PLEKHA5: variants seen among roughly 807,000 people sequenced by gnomAD.
The protein encoded by PLEKHA5 is pleckstrin homology domain-containing family A member 5.
Under a neutral mutation model 181.9 loss-of-function variants are expected in PLEKHA5, and 55 were observed. The observed-to-expected ratio is 0.30, with a 90% CI of 0.24 to 0.38. The LOEUF is 0.38. Ranked by LOEUF, PLEKHA5 falls within the 10% of genes least tolerant of loss-of-function variation. PLEKHA5 has a pLI of 1.00. For missense variants in PLEKHA5, 1,432 were observed against 1,549.5 expected (o/e 0.92, Z 1.27); for synonymous variants, 535 against 529.4 (o/e 1.01, Z -0.15).
intron 15 of PLEKHA5, among the ~76,000 whole-genome samples, chr12:19,296,528 CAG>C (rs2079848726): frequency 6.8e-6 from 1 of 146,520 alleles, no homozygotes; most frequent in South Asian, 2.2e-4. Flanking sequence ...GCCTGGGTAA[CAG>C]AGCAAGACTC....
chr12:19,271,177 A>G (rs928513112), intron 10 of PLEKHA5, among the ~76,000 whole-genome samples: 11 of 152,340 alleles, frequency 7.2e-5, no homozygotes, highest in African/African-American at 2.4e-4. Flanking sequence ...GGTGGTTAGC[A>G]CTGATAACGA....
chr12:19,340,944 A>AT (rs2093865645), intron 21 of PLEKHA5, among the ~76,000 whole-genome samples: 1 of 44,714 alleles, frequency 2.2e-5, no homozygotes, highest in African/African-American at 5.4e-5. Flanking sequence ...AGAATGATCA[A>AT]TAAAAAAAAA....
chr12:19,192,732 A>G (rs957495144), intron 3 of PLEKHA5, among the ~76,000 whole-genome samples: 3 of 152,210 alleles, frequency 2.0e-5, no homozygotes, highest in Non-Finnish European at 2.9e-5. Context: ...AAAAGAATTT[A>G]TTCTTACTAA....
intron 3 of PLEKHA5, among the ~76,000 whole-genome samples, chr12:19,156,224 T>TC (rs1404136416): frequency 6.6e-6 from 1 of 151,336 alleles, no homozygotes; most frequent in Non-Finnish European, 1.5e-5. Flanking sequence ...GTTTTTTTTT[T>TC]TCTCCTCAGG....
At chr12:19,297,607 C>T (rs1387707511) in intron 15 of PLEKHA5, among the ~76,000 whole-genome samples, 12 of 130,980 alleles carry the variant, frequency 9.2e-5, no homozygotes, top group South Asian at 2.4e-4. Context: ...CCGGCCTGGG[C>T]GACAGAGCGA....
chr12:19,282,793 T>C (rs1353459002), intron 11 of PLEKHA5, among the ~76,000 whole-genome samples: 2 of 152,210 alleles, frequency 1.3e-5, no homozygotes, highest in African/African-American at 4.8e-5. Context: ...TTTTGTGTAA[T>C]TGATATAGAT....
intron 20 of PLEKHA5, among the ~76,000 whole-genome samples, chr12:19,335,274 C>T (rs1033485633): frequency 6.6e-6 from 1 of 151,764 alleles, no homozygotes; most frequent in African/African-American, 2.4e-5. Flanking sequence ...CTCAAGTGAT[C>T]CACCTGCCTC....
At chr12:19,189,120 C>CA (rs1397027850) in intron 3 of PLEKHA5, among the ~76,000 whole-genome samples, 3 of 152,170 alleles carry the variant, frequency 2.0e-5, no homozygotes, top group Non-Finnish European at 4.4e-5. Context: ...TGAAGACACT[C>CA]ACAGGGTCTA....
chr12:19,362,771 A>T (rs924900360), intron 29 of PLEKHA5, among the ~76,000 whole-genome samples: 2 of 152,092 alleles, frequency 1.3e-5, no homozygotes, highest in African/African-American at 4.8e-5. Context: ...AAAAAATTTT[A>T]AAAAGAGAGA....
At chr12:19,129,962 A>T in intron 1 of PLEKHA5, 74 bp downstream of exon 1, 1 of 1,461,408 alleles carries the variant, frequency 6.8e-7, no homozygotes, top group Non-Finnish European at 9.4e-7. Flanking sequence ...GACACGGGGG[A>T]GAGCCCGGGT....
chr12:19,132,849 T>G (rs898741968), intron 3 of PLEKHA5, among the ~76,000 whole-genome samples: 6 of 145,034 alleles, frequency 4.1e-5, no homozygotes, highest in Non-Finnish European at 6.0e-5. Flanking sequence ...AGCTATGTGG[T>G]ACTTAAAGTT....
intron 3 of PLEKHA5, among the ~76,000 whole-genome samples, chr12:19,193,051 G>T (rs1178387079): frequency 2.6e-5 from 4 of 152,112 alleles, no homozygotes; most frequent in Non-Finnish European, 4.4e-5. Flanking sequence ...TTACTATCTG[G>T]TCCTGTACAG....
At chr12:19,132,707 T>C (rs955454614) in intron 3 of PLEKHA5, among the ~76,000 whole-genome samples, 14 of 151,602 alleles carry the variant, frequency 9.2e-5, no homozygotes, top group Admixed American at 9.2e-4. Flanking sequence ...CTTTTAAAAA[T>C]AATTTTGTAT....
At chr12:19,162,929 TCTAGA>T (rs373489142) in intron 3 of PLEKHA5, among the ~76,000 whole-genome samples, 93 of 152,340 alleles carry the variant, frequency 6.1e-4, no homozygotes, top group African/African-American at 2.0e-3. Context: ...AGGCTAGGAC[TCTAGA>T]CTAGTCTAGT....
Position 19,130,143 on chromosome 12 carries a change from C to T in PLEKHA5, c.169+13C>T. ...CGGCAGAGCACAGGTAACGCCGGGC[C>T]CAAACGGAGTTGGGCTCCGCCTGGA... On this transcript the variant is annotated intron_variant, in intron 2 of 31. Transcript: ENST00000429027. This position sits in a 1 kb window ranked among gnomAD's most constrained non-coding sequence, Gnocchi z 4.5. 3 of 1,539,602 alleles carry T rather than the reference C, an allele frequency of 1.9e-6. No individual in the cohort carries two copies. The highest frequency in any genetic ancestry group is 2.5e-5 in the East Asian group (1 of 39,264).
In PLEKHA5 at chr12:19,170,563, G is replaced by A. The variant is rs575794052; in HGVS notation, c.227+38113G>A. ...GCCTCCGGAGTAGCTGTGATTACAGGCACCTGCCACCACGCCCAACTAATT... is the reference window on the plus strand; with the variant it reads ...GCCTCCGGAGTAGCTGTGATTACAGACACCTGCCACCACGCCCAACTAATT... On this transcript the variant is annotated intron_variant, in intron 3 of 31. Transcript: ENST00000429027. Among the ~76,000 whole-genome samples, 243 of 149,452 alleles carry A rather than the reference G, an allele frequency of 1.6e-3. 6 individuals are homozygous for A. The Admixed American group carries it at 0.016, about 10-fold the overall frequency.
chr12:19,328,042 C>A (rs917174544), intron 20 of PLEKHA5, among the ~76,000 whole-genome samples: 1 of 152,206 alleles, frequency 6.6e-6, no homozygotes, highest in South Asian at 2.1e-4. Flanking sequence ...TTTCATTCTT[C>A]TGCATATGGC....
Position 19,348,248 on chromosome 12 carries a change from C to T in PLEKHA5, c.2899-151C>T, listed in dbSNP as rs12817458. 0.072 allele frequency: 39,646 copies of T among 547,434 alleles called. 1,871 individuals are homozygous for T. The highest frequency in any genetic ancestry group is 0.15 in the African/African-American group (7,586 of 49,490). 33.9% of individuals were successfully genotyped at this position (547,434 alleles called of 1,614,324 possible). On this transcript the variant is annotated intron_variant, in intron 24 of 31. Coordinates refer to ENST00000429027, the MANE Select transcript of PLEKHA5 (RefSeq NM_001256470.2). ...AAATTTCTCAAATTTCTTCTTTCCA[C>T]GTAATTGTGACATAGGTATTATTTG...
In PLEKHA5 at chr12:19,362,685, G is replaced by A. The variant is rs369716647; in HGVS notation, c.3608+979G>A. Among the ~76,000 whole-genome samples the A allele has an allele frequency of 6.6e-5, 10 of 151,930 alleles. No individual in the cohort carries two copies. In the South Asian group the frequency reaches 1.5e-3, roughly 22 times the overall value. The stretch of plus-strand genomic sequence containing the variant: ...TGAGGTGGGAGGATTGCTTGAACAT[G>A]GGAGGTCAAGGCTGCAGTGAGCCAT... On this transcript the variant is annotated intron_variant, in intron 29 of 31. Coordinates refer to ENST00000429027, the MANE Select transcript of PLEKHA5 (RefSeq NM_001256470.2).
Sources: gnomAD v4.1 joint callset for allele counts (sites outside exome capture counted in the v4.1 genomes callset) on GRCh38, gnomAD v4.1.1 for gene constraint, Gnocchi (gnomAD v3.1) non-coding constraint, MANE v1.5 for transcripts, NCBI Gene and HGNC (gene_info 2026-07-23, HGNC 2026-07-21) for gene names.